UBASH3B: variants seen among roughly 807,000 people sequenced by gnomAD.
UBASH3B encodes the protein ubiquitin associated and SH3 domain containing B.
UBASH3B carries 37 observed loss-of-function variants against 83.4 expected under a neutral mutation model. The ratio of observed to expected loss-of-function variants is 0.44; its 90% CI spans 0.34 to 0.58. UBASH3B has a LOEUF of 0.58. Ranked by LOEUF, UBASH3B falls within the 20% of genes least tolerant of loss-of-function variation. The pLI is 0.01. For missense variants in UBASH3B, 657 were observed against 827.2 expected (o/e 0.79, Z 2.52); for synonymous variants, 304 against 318.3 (o/e 0.96, Z 0.48).
chr11:122,656,018 C>A lies in UBASH3B; in HGVS notation c.-32C>A. ...TCCTTCCCGAACCATCCGGCTCGGG[C>A]TCCTTCCCTGGCGATGGCTGGCCGC... is the stretch of plus-strand genomic sequence containing the variant. On this transcript the variant is annotated 5_prime_UTR_variant, in exon 1 of 14. Coordinates refer to ENST00000284273, the MANE Select transcript of UBASH3B (RefSeq NM_032873.5). The A allele has an allele frequency of 1.3e-6, 2 of 1,522,762 alleles. No individual in the cohort carries two copies. Among genetic ancestry groups the A allele is most frequent in the Non-Finnish European group, 1.8e-6 (2 of 1,132,978 alleles). The allele number at this position is 1,522,762 out of a possible 1,614,324, so 94.3% of individuals were successfully genotyped here. A position where few individuals can be genotyped will look rare whatever the true frequency, so the allele number is the denominator to read the frequency against.
intron 1 of UBASH3B, among the ~76,000 whole-genome samples, chr11:122,772,718 C>T (rs944162691): frequency 5.9e-5 from 9 of 152,190 alleles, no homozygotes; most frequent in African/African-American, 1.7e-4. Flanking sequence ...AGGCCATTGG[C>T]GGGCACTGCT....
At chr11:122,667,399 C>A (rs1863534356) in intron 1 of UBASH3B, among the ~76,000 whole-genome samples, 1 of 152,178 alleles carries the variant, frequency 6.6e-6, no homozygotes. Context: ...ACACTTCACA[C>A]ATTTATGTGC....
chr11:122,664,448 T>C (rs1863487131), intron 1 of UBASH3B, among the ~76,000 whole-genome samples: 1 of 152,172 alleles, frequency 6.6e-6, no homozygotes, highest in African/African-American at 2.4e-5. Flanking sequence ...ATGATCCTCA[T>C]TGAACTGAAC....
chr11:122,709,963 C>T (rs1450013928), intron 1 of UBASH3B, among the ~76,000 whole-genome samples: 2 of 151,980 alleles, frequency 1.3e-5, no homozygotes, highest in Non-Finnish European at 2.9e-5. Flanking sequence ...TCGAGACCGC[C>T]TGGCCAACAT....
chr11:122,669,653 C>T (rs1236575651), intron 1 of UBASH3B, among the ~76,000 whole-genome samples: 12 of 152,192 alleles, frequency 7.9e-5, no homozygotes, highest in Non-Finnish European at 1.8e-4. Flanking sequence ...CCAACCCAAG[C>T]ACCAGGTAGT....
chr11:122,675,168 G>A (rs1403115676), intron 1 of UBASH3B, among the ~76,000 whole-genome samples: 1 of 152,294 alleles, frequency 6.6e-6, no homozygotes, highest in African/African-American at 2.4e-5. Flanking sequence ...CGTGTTTATG[G>A]TGCCTCGGTT....
At chr11:122,800,956 A>G (rs911699032) in intron 10 of UBASH3B, among the ~76,000 whole-genome samples, 1 of 152,180 alleles carries the variant, frequency 6.6e-6, no homozygotes. Flanking sequence ...CTGAAGTCAG[A>G]TATGACTTAA....
At chr11:122,780,335 T>C (rs1360090937) in intron 4 of UBASH3B, among the ~76,000 whole-genome samples, 1 of 152,088 alleles carries the variant, frequency 6.6e-6, no homozygotes, top group African/African-American at 2.4e-5. Flanking sequence ...AGGAATTAGC[T>C]TAAGGGGGTG....
At chr11:122,796,360 G>A in intron 8 of UBASH3B, 84 bp downstream of exon 8, 2 of 1,557,582 alleles carry the variant, frequency 1.3e-6, no homozygotes, top group Non-Finnish European at 1.7e-6. Flanking sequence ...TATCTAGATG[G>A]AGTCATTCAT....
At chr11:122,695,717 C>T (rs1454852135) in intron 1 of UBASH3B, among the ~76,000 whole-genome samples, 1 of 152,180 alleles carries the variant, frequency 6.6e-6, no homozygotes, top group African/African-American at 2.4e-5. Flanking sequence ...CACAGTGCCT[C>T]ACTCCCTGGA....
In UBASH3B at chr11:122,805,239, G is replaced by C. The variant is rs145083608; in HGVS notation, c.1596-1171G>C. Among the ~76,000 whole-genome samples, 467 of 152,254 alleles carry C rather than the reference G, an allele frequency of 3.1e-3. 6 individuals carry two copies. The highest frequency in any genetic ancestry group is 0.025 in the Admixed American group (388 of 15,294). The stretch of plus-strand genomic sequence containing the variant: ...TGCAGGGAACTCCCCTTTTTAAAAC[G>C]GTCAGATTGGCTGGGTGCAGTGGCT... On this transcript the variant is annotated intron_variant, in intron 11 of 13. Transcript: ENST00000284273.
chr11:122,776,782 T>G (rs1860742490), intron 2 of UBASH3B, among the ~76,000 whole-genome samples: 1 of 152,108 alleles, frequency 6.6e-6, no homozygotes, highest in Non-Finnish European at 1.5e-5. Flanking sequence ...GTTTTAGGAC[T>G]TTTTTAGGGA....
chr11:122,702,288 A>C (rs1490320621), intron 1 of UBASH3B, among the ~76,000 whole-genome samples: 2 of 152,200 alleles, frequency 1.3e-5, no homozygotes, highest in Non-Finnish European at 2.9e-5. Context: ...AATACTAATG[A>C]CATCAGCATG....
chr11:122,660,523 G>A (rs901668737), intron 1 of UBASH3B, among the ~76,000 whole-genome samples: 16 of 152,134 alleles, frequency 1.1e-4, no homozygotes, highest in African/African-American at 3.9e-4. Context: ...GCCAGGAGAG[G>A]GTCTGAGCCT....
At chr11:122,658,840 C>T (rs1311626581) in intron 1 of UBASH3B, among the ~76,000 whole-genome samples, 1 of 152,222 alleles carries the variant, frequency 6.6e-6, no homozygotes, top group Non-Finnish European at 1.5e-5. Context: ...CAAATTGTCA[C>T]AAACTGAGTG....
intron 6 of UBASH3B, among the ~76,000 whole-genome samples, chr11:122,793,102 C>A (rs1411573086): frequency 6.6e-6 from 1 of 152,044 alleles, no homozygotes. Flanking sequence ...AATTATGGGC[C>A]AGGTGCAGTG....
chr11:122,723,982 T>A (rs1860687479), intron 1 of UBASH3B, among the ~76,000 whole-genome samples: 1 of 152,334 alleles, frequency 6.6e-6, no homozygotes, highest in South Asian at 2.1e-4. Flanking sequence ...GTTTAAATGC[T>A]TATGTGGACT....
intron 1 of UBASH3B, among the ~76,000 whole-genome samples, chr11:122,725,733 G>A (rs968460262): frequency 1.2e-4 from 18 of 151,706 alleles, no homozygotes; most frequent in Admixed American, 9.9e-4. Flanking sequence ...TCACCCTGTC[G>A]CCCAGGCTGG....
At chr11:122,722,234 C>T (rs2135944870) in intron 1 of UBASH3B, among the ~76,000 whole-genome samples, 1 of 152,310 alleles carries the variant, frequency 6.6e-6, no homozygotes, top group South Asian at 2.1e-4. Context: ...TAGAGCTCCG[C>T]CCTCATGCTC....
Sources: allele counts gnomAD v4.1 joint callset (sites outside exome capture counted in the v4.1 genomes callset), GRCh38; gene constraint gnomAD v4.1.1; transcripts MANE v1.5; gene names NCBI Gene and HGNC (gene_info 2026-07-23, HGNC 2026-07-21).